CUX1: variants seen among roughly 807,000 people sequenced by gnomAD.
The protein encoded by CUX1 is protein CASP.
In CUX1, 31 loss-of-function variants were observed where a neutral mutation model predicts 158.8. The ratio of observed to expected loss-of-function variants is 0.20; its 90% CI spans 0.15 to 0.26. The LOEUF is 0.26. CUX1 is among the 10% of genes least tolerant of loss of function. The pLI, the probability that CUX1 is intolerant of heterozygous loss-of-function variation, is 1.00. For synonymous variants in CUX1, 879 were observed against 862.1 expected, an observed-to-expected ratio of 1.02 and a Z score of -0.34; for missense variants, 1,589 against 2,014.6, an observed-to-expected ratio of 0.79 and a Z score of 4.04.
intron 4 of CUX1, among the ~76,000 whole-genome samples, chr7:102,079,306 C>T (rs954843868): frequency 1.3e-5 from 2 of 151,994 alleles, no homozygotes; most frequent in Non-Finnish European, 2.9e-5. Flanking sequence ...AGCATGGTGG[C>T]GTGCACCTAT....
chr7:102,010,054 G>A lies in CUX1; in HGVS notation c.142-18044G>A, dbSNP rs181680277. ...GGACTTCTTAAAAAAGAAAGAGTGAGGTGGGCGGCCTCCCTTGCTGCCGGT... is the reference window on the plus strand; with the variant it reads ...GGACTTCTTAAAAAAGAAAGAGTGAAGTGGGCGGCCTCCCTTGCTGCCGGT... On this transcript the variant is annotated intron_variant, in intron 2 of 23. Transcript: ENST00000292535. 3.5e-3 allele frequency among the ~76,000 whole-genome samples: 539 copies of A among 152,198 alleles called. 5 individuals carry two copies. The highest frequency in any genetic ancestry group is 0.013 in the African/African-American group (524 of 41,540).
chr7:101,941,812 G>A (rs913268649), intron 2 of CUX1, among the ~76,000 whole-genome samples: 28 of 152,176 alleles, frequency 1.8e-4, no homozygotes, highest in African/African-American at 6.8e-4. Context: ...TTGGACGCAC[G>A]GGTTATGAGG....
At position 102,252,302 on chromosome 7, in the gene CUX1, A is replaced by G. The variant is rs1338084205; in HGVS notation, c.*3260A>G. 1.0e-6 allele frequency: 1 copy of G among 985,288 alleles called. No individual in the cohort carries two copies. Among genetic ancestry groups the G allele is most frequent in the Admixed American group, 6.1e-5 (1 of 16,264 alleles). The allele number at this position is 985,288 out of a possible 1,614,324, so 61.0% of individuals were successfully genotyped here. A position where few individuals can be genotyped will look rare whatever the true frequency, so the allele number is the denominator to read the frequency against. On this transcript the variant is annotated 3_prime_UTR_variant, in exon 24 of 24. Coordinates refer to ENST00000292535, the MANE Select transcript of CUX1 (RefSeq NM_181552.4). ...TTAATCTCTCATCTTGCTAAGCAGT[A>G]TTCAAGTGCCTTGAACAGTGTCCCC...
chr7:101,957,280 C>T (rs1809896667), intron 2 of CUX1, among the ~76,000 whole-genome samples: 1 of 152,200 alleles, frequency 6.6e-6, no homozygotes. Context: ...ACCTGCACAT[C>T]ACACAAGGGC....
At chr7:102,040,983 A>G (rs1290622959) in intron 3 of CUX1, among the ~76,000 whole-genome samples, 1 of 152,088 alleles carries the variant, frequency 6.6e-6, no homozygotes, top group East Asian at 1.9e-4. Context: ...AGCAATGTAA[A>G]TCTGTTCAAA....
chr7:101,998,548 C>T (rs1816263245), intron 2 of CUX1, among the ~76,000 whole-genome samples: 1 of 152,194 alleles, frequency 6.6e-6, no homozygotes, highest in Admixed American at 6.5e-5. Context: ...ACCAGCATCA[C>T]GACCTGTTTG....
intron 20 of CUX1, among the ~76,000 whole-genome samples, chr7:102,221,974 GTAGGCTGGATGCGGTGAC>G: frequency 6.6e-6 from 1 of 152,046 alleles, no homozygotes; most frequent in East Asian, 1.9e-4. Flanking sequence ...AAATATGTGA[GTAGGCTGGATGCGGTGAC>G]TCATGCCTGT....
At chr7:102,066,890 G>C (rs537195474) in intron 3 of CUX1, among the ~76,000 whole-genome samples, 17 of 152,314 alleles carry the variant, frequency 1.1e-4, no homozygotes, top group African/African-American at 4.1e-4. Flanking sequence ...TACATGATAC[G>C]ACAGGGAAAG....
chr7:102,003,862 G>A (rs1295515520), intron 2 of CUX1, among the ~76,000 whole-genome samples: 1 of 152,112 alleles, frequency 6.6e-6, no homozygotes, highest in Non-Finnish European at 1.5e-5. Context: ...GTTATAAGGT[G>A]TTTAGTTCTA....
chr7:101,848,154 G>A (rs1584749092), intron 1 of CUX1, among the ~76,000 whole-genome samples: 2 of 152,080 alleles, frequency 1.3e-5, no homozygotes, highest in Admixed American at 1.3e-4. Flanking sequence ...AGCATCAATG[G>A]TGAGGCCTAG....
chr7:101,898,884 AC>A, intron 1 of CUX1, among the ~76,000 whole-genome samples: 1 of 152,186 alleles, frequency 6.6e-6, no homozygotes, highest in East Asian at 1.9e-4. Flanking sequence ...AAGCCACCGC[AC>A]CCGGCTAATT....
At chr7:101,939,307 G>C (rs116289723) in intron 2 of CUX1, among the ~76,000 whole-genome samples, 1 of 151,784 alleles carries the variant, frequency 6.6e-6, no homozygotes, top group African/African-American at 2.4e-5. Context: ...TGGATTTGCA[G>C]TTCAACAGTG....
At chr7:102,000,967 G>A (rs1816612373) in intron 2 of CUX1, among the ~76,000 whole-genome samples, 1 of 152,066 alleles carries the variant, frequency 6.6e-6, no homozygotes, top group African/African-American at 2.4e-5. Flanking sequence ...TTGTAGAGGT[G>A]GGGTATCGCT....
chr7:101,909,721 G>C (rs1046603204), intron 1 of CUX1, among the ~76,000 whole-genome samples: 2 of 152,206 alleles, frequency 1.3e-5, no homozygotes, highest in Admixed American at 6.5e-5. Context: ...GAATACTTGT[G>C]TTGCTGATGT....
At chr7:102,216,198 G>GTCTATAT (rs1224033853) in intron 20 of CUX1, among the ~76,000 whole-genome samples, 1 of 152,058 alleles carries the variant, frequency 6.6e-6, no homozygotes, top group Non-Finnish European at 1.5e-5. Context: ...ATAGTCTATA[G>GTCTATAT]TCCCAGCTAC....
At chr7:102,280,899 C>A in intron 20 of CUX1, 1 of 1,587,840 alleles carries the variant, frequency 6.3e-7, no homozygotes, top group Non-Finnish European at 8.6e-7. Flanking sequence ...CCTGGACAGG[C>A]CTGAGCCTCT....
rs1418973619 is a variant in CUX1, at chr7:101,817,886, A to G, written c.30+217A>G. 2.0e-5 allele frequency among the ~76,000 whole-genome samples: 3 copies of G among 152,220 alleles called. No homozygotes were observed. The highest frequency in any genetic ancestry group is 4.4e-5 in the Non-Finnish European group (3 of 68,046). On this transcript the variant is annotated intron_variant, in intron 1 of 23. Transcript: ENST00000292535. The surrounding 1 kb of genome is among the most constrained non-coding windows in gnomAD (Gnocchi z 4.1). Reference sequence around the variant, plus strand: ...ACTTGGCTGAACTTTCCTAACCTGGAGGACTGGTGACAGTGACCTACCGCA... The same window carrying G: ...ACTTGGCTGAACTTTCCTAACCTGGGGGACTGGTGACAGTGACCTACCGCA...
intron 2 of CUX1, among the ~76,000 whole-genome samples, chr7:101,957,459 G>A (rs1301900998): frequency 1.3e-5 from 2 of 152,150 alleles, no homozygotes; most frequent in African/African-American, 4.8e-5. Context: ...GGTGGCTCAC[G>A]CCTGTAATCC....
chr7:102,127,233 G>A lies in CUX1; in HGVS notation c.674+11960G>A, dbSNP rs548695704. Among the ~76,000 whole-genome samples the A allele has an allele frequency of 2.0e-5, 3 of 152,192 alleles. No individual in the cohort carries two copies. The South Asian group carries it at 6.2e-4, about 32-fold the overall frequency. Reference sequence around the variant, plus strand: ...CTTTTTTTTCTTTTTACGAGATAGGGTCTCACCCTGTCACCCAGCCTGCAG... The same window carrying A: ...CTTTTTTTTCTTTTTACGAGATAGGATCTCACCCTGTCACCCAGCCTGCAG... On this transcript the variant is annotated intron_variant, in intron 8 of 23. Transcript: ENST00000292535.
Sources: gnomAD v4.1 joint callset for allele counts (sites outside exome capture counted in the v4.1 genomes callset) on GRCh38, gnomAD v4.1.1 for gene constraint, Gnocchi (gnomAD v3.1) non-coding constraint, MANE v1.5 for transcripts, NCBI Gene and HGNC (gene_info 2026-07-23, HGNC 2026-07-21) for gene names.